Variants in SAMD5 observed in about 807,000 individuals in gnomAD.
SAMD5 encodes the protein sterile alpha motif domain-containing protein 5.
Under a neutral mutation model 11.3 loss-of-function variants are expected in SAMD5, and 13 were observed. The ratio of observed to expected loss-of-function variants is 1.15; its 90% confidence interval spans 0.75 to 1.83. The LOEUF is 1.83. Among genes scored for constraint, SAMD5 ranks in the 40% most tolerant of loss-of-function variants. The probability of loss-of-function intolerance (pLI) is 0.00; values close to 1 mark genes in which losing one functional copy is unlikely to be tolerated. For missense variants in SAMD5, 255 were observed against 239.1 expected, an observed-to-expected ratio of 1.07 and a Z score of -0.44; for synonymous variants, 129 against 111.3, an observed-to-expected ratio of 1.16 and a Z score of -1.00.
intron 1 of SAMD5, among the ~76,000 whole-genome samples, chr6:147,556,151 G>A (rs1041310865): frequency 3.5e-4 from 53 of 151,732 alleles, no homozygotes; most frequent in African/African-American, 1.3e-3. Flanking sequence ...GGAGTGCAGT[G>A]GTGTGATCTT....
chr6:147,640,348 AT>A (rs2128452284), intron 1 of SAMD5, among the ~76,000 whole-genome samples: 1 of 150,654 alleles, frequency 6.6e-6, no homozygotes, highest in African/African-American at 2.4e-5. Context: ...GAAAAAAAAA[AT>A]TGCCGGGTGT....
At chr6:147,537,518 C>T (rs1788527940) in intron 1 of SAMD5, among the ~76,000 whole-genome samples, 1 of 151,908 alleles carries the variant, frequency 6.6e-6, no homozygotes, top group South Asian at 2.1e-4. Context: ...TTTGGGAGGC[C>T]GAGGCGGGCG....
chr6:147,737,406 G>A (rs1473053091), exon 2 of SAMD5: 7 of 1,103,534 alleles, frequency 6.3e-6, no homozygotes, highest in African/African-American at 1.6e-5. Flanking sequence ...GCTATTACAG[G>A]ATGACTATAA....
chr6:147,800,783 A>G, the SAMD5 span, among the ~76,000 whole-genome samples: 2 of 152,236 alleles, frequency 1.3e-5, no homozygotes, highest in African/African-American at 2.4e-5. Flanking sequence ...AAATCCATAA[A>G]TAATGTTTAG....
chr6:147,773,748 T>C, the SAMD5 span, among the ~76,000 whole-genome samples: 8 of 152,148 alleles, frequency 5.3e-5, no homozygotes, highest in Non-Finnish European at 7.4e-5. Context: ...TATGGGGGAA[T>C]AGATGTCAAC....
At chr6:147,598,092 C>A (rs1263821478) in intron 1 of SAMD5, among the ~76,000 whole-genome samples, 1 of 149,820 alleles carries the variant, frequency 6.7e-6, no homozygotes, top group Non-Finnish European at 1.5e-5. Flanking sequence ...ATTCTTTTTT[C>A]TTTTCTTTTT....
rs560485008 is a variant in SAMD5, at chr6:147,631,159, G to C, written c.163-106158G>C. Among the ~76,000 whole-genome samples, 12 of 152,306 alleles carry C rather than the reference G, an allele frequency of 7.9e-5. No individual in the cohort carries two copies. In the East Asian group the frequency reaches 2.1e-3, roughly 27 times the overall value. ...AGATTTTGTGGTAAGGGGTGATATT[G>C]TGGGGTTGTTAGAAGGAGAATTTGT... On this transcript the variant is annotated intron_variant, in intron 1 of 1. Coordinates refer to the SAMD5 transcript ENST00000566741.
downstream of SAMD5, among the ~76,000 whole-genome samples, chr6:147,740,856 G>A (rs1429506125): frequency 1.3e-5 from 2 of 152,146 alleles, no homozygotes; most frequent in Non-Finnish European, 2.9e-5. Context: ...ACATACACAC[G>A]AAGCTTCATT....
the SAMD5 span, among the ~76,000 whole-genome samples, chr6:147,945,657 T>G: frequency 6.6e-6 from 1 of 152,102 alleles, no homozygotes; most frequent in Non-Finnish European, 1.5e-5. Context: ...ATGTTGTGGA[T>G]GTGAAGGGAG....
intron 1 of SAMD5, among the ~76,000 whole-genome samples, chr6:147,722,707 T>A (rs1405586340): frequency 6.6e-6 from 1 of 152,226 alleles, no homozygotes; most frequent in African/African-American, 2.4e-5. Context: ...TCATATTTTT[T>A]CTTGCTTTTT....
chr6:147,609,473 A>C (rs180765299), intron 1 of SAMD5, among the ~76,000 whole-genome samples: 9 of 152,178 alleles, frequency 5.9e-5, no homozygotes, highest in African/African-American at 2.2e-4. Context: ...TGGCAGCCCC[A>C]GAAAACTACT....
chr6:147,579,663 G>A (rs183014565), intron 1 of SAMD5, among the ~76,000 whole-genome samples: 59 of 152,060 alleles, frequency 3.9e-4, no homozygotes, highest in African/African-American at 1.2e-3. Context: ...CACCATGTTG[G>A]CCAGGCTGGT....
the SAMD5 span, among the ~76,000 whole-genome samples, chr6:147,816,289 A>ATATATAT: frequency 2.2e-5 from 2 of 92,578 alleles, no homozygotes; most frequent in African/African-American, 1.1e-4. Flanking sequence ...TCCAAAAAAA[A>ATATATAT]AAAAAAAAAA....
At chr6:147,526,505 G>A (rs1788343667) in intron 1 of SAMD5, among the ~76,000 whole-genome samples, 1 of 152,152 alleles carries the variant, frequency 6.6e-6, no homozygotes, top group Non-Finnish European at 1.5e-5. Context: ...CAAACCTGTG[G>A]GAGCACCAAG....
At chr6:147,854,887 A>G in the SAMD5 span, among the ~76,000 whole-genome samples, 5 of 152,200 alleles carry the variant, frequency 3.3e-5, no homozygotes, top group East Asian at 9.6e-4. Context: ...CTCCTATAGT[A>G]GACACTATAG....
chr6:147,532,995 A>G (rs117980645), intron 1 of SAMD5, among the ~76,000 whole-genome samples: 3,011 of 152,188 alleles, frequency 0.02, 47 homozygotes, highest in East Asian at 0.08. Context: ...ACTGAGATTC[A>G]GGGGAGTGGT....
chr6:147,612,148 G>A (rs1026392548), intron 1 of SAMD5, among the ~76,000 whole-genome samples: 3 of 152,106 alleles, frequency 2.0e-5, no homozygotes, highest in Non-Finnish European at 4.4e-5. Context: ...ATTTATCTTG[G>A]GTCAGTTCCT....
At chr6:147,888,559 T>C in the SAMD5 span, among the ~76,000 whole-genome samples, 1 of 139,738 alleles carries the variant, frequency 7.2e-6, no homozygotes, top group Non-Finnish European at 1.5e-5. Context: ...TTCATTGGTA[T>C]GTAATGTCCT....
At chr6:147,841,752 C>T in the SAMD5 span, among the ~76,000 whole-genome samples, 1 of 151,892 alleles carries the variant, frequency 6.6e-6, no homozygotes, top group African/African-American at 2.4e-5. Flanking sequence ...TCCAAGGAGA[C>T]TGTTCAGGGT....
Sources: gnomAD v4.1 joint callset for allele counts (sites outside exome capture counted in the v4.1 genomes callset) on GRCh38, gnomAD v4.1.1 for gene constraint, MANE v1.5 for transcripts, NCBI Gene and HGNC (gene_info 2026-07-23, HGNC 2026-07-21) for gene names.